ADAM23: variants seen among roughly 807,000 people sequenced by gnomAD.
The protein encoded by ADAM23 is disintegrin and metalloproteinase domain-containing protein 23.
ADAM23 carries 33 observed loss-of-function variants against 120.1 expected under a neutral mutation model. That is an observed-to-expected ratio of 0.27 (90% CI 0.21 to 0.37). The LOEUF (loss-of-function observed/expected upper bound fraction) is 0.37, where lower values mean the gene tolerates loss of function less well. ADAM23 is among the 10% of genes least tolerant of loss of function. ADAM23 has a pLI of 1.00. For missense variants in ADAM23, 862 were observed against 1,058.2 expected (o/e 0.81, Z 2.57); for synonymous variants, 367 against 375.2 (o/e 0.98, Z 0.25).
intron 2 of ADAM23, among the ~76,000 whole-genome samples, chr2:206,462,281 C>G (rs1010082827): frequency 1.3e-5 from 2 of 152,154 alleles, no homozygotes; most frequent in South Asian, 2.1e-4. Context: ...TCTAAGAATT[C>G]AGAGTTCATA....
chr2:206,508,967 G>T (rs1696564453), intron 3 of ADAM23, among the ~76,000 whole-genome samples: 1 of 152,186 alleles, frequency 6.6e-6, no homozygotes, highest in South Asian at 2.1e-4. Flanking sequence ...ATGGCAGCTT[G>T]TCATGATGAA....
intron 11 of ADAM23, 141 bp downstream of exon 11, chr2:206,560,259 G>T: frequency 7.9e-6 from 7 of 881,220 alleles, no homozygotes; most frequent in Non-Finnish European, 1.2e-5. Context: ...TAGATAAGAA[G>T]CATGGAGTTA....
intron 3 of ADAM23, among the ~76,000 whole-genome samples, chr2:206,505,227 A>G (rs1023893157): frequency 1.3e-5 from 2 of 152,254 alleles, no homozygotes; most frequent in Admixed American, 1.3e-4. Context: ...GCTCAAAGTT[A>G]ACAGGGCCTG....
intron 15 of ADAM23, among the ~76,000 whole-genome samples, chr2:206,568,833 A>T (rs1306100878): frequency 6.6e-6 from 1 of 152,256 alleles, no homozygotes; most frequent in African/African-American, 2.4e-5. Context: ...ATCAGTAACT[A>T]ATGTGGTAAC....
chr2:206,545,094 C>T (rs970707475), intron 6 of ADAM23, among the ~76,000 whole-genome samples: 1 of 152,130 alleles, frequency 6.6e-6, no homozygotes, highest in Non-Finnish European at 1.5e-5. Flanking sequence ...GTGAAAAGAA[C>T]TGTAGCGGGA....
chr2:206,496,524 C>T (rs1218122710), intron 3 of ADAM23, among the ~76,000 whole-genome samples: 1 of 151,686 alleles, frequency 6.6e-6, no homozygotes, highest in Non-Finnish European at 1.5e-5. Context: ...AAATTTATAG[C>T]ACTAAATGCC....
At chr2:206,503,889 G>A (rs187394807) in intron 3 of ADAM23, among the ~76,000 whole-genome samples, 76 of 152,240 alleles carry the variant, frequency 5.0e-4, no homozygotes, top group Non-Finnish European at 1.0e-3. Flanking sequence ...TAACACAGTT[G>A]TCTGTGCTGC....
chr2:206,592,681 C>T lies in ADAM23; in HGVS notation c.2023C>T (p.Gln675Ter). 6.2e-7 allele frequency: 1 copy of T among 1,614,020 alleles called. No homozygotes were observed. Among genetic ancestry groups the T allele is most frequent in the Non-Finnish European group, 8.5e-7 (1 of 1,179,960 alleles). ...TCGAGCTCCACGTATTGGTCAACTT[C>T]AGGGTGAGATCATTCCAACTTCCTT... ...LTRAPRIGQL[Q>*]GEIIPTSFYH... Residue 675 changes from glutamine (Q) to a stop codon, truncating the protein, a stop_gained, in exon 22 of 26, where the codon CAG becomes TAG. Coordinates refer to ENST00000264377, the MANE Select transcript of ADAM23 (RefSeq NM_003812.4). LOFTEE classifies it high-confidence loss of function.
chr2:206,503,454 T>A (rs1048373556), intron 3 of ADAM23, among the ~76,000 whole-genome samples: 7 of 152,114 alleles, frequency 4.6e-5, no homozygotes, highest in African/African-American at 1.7e-4. Context: ...TCAGTCAATG[T>A]TTGTATAATG....
intron 25 of ADAM23, among the ~76,000 whole-genome samples, chr2:206,612,455 A>AT (rs1413029609): frequency 6.6e-6 from 1 of 152,248 alleles, no homozygotes; most frequent in Non-Finnish European, 1.5e-5. Flanking sequence ...ATTGTTCTAA[A>AT]TGCTGCTATT....
intron 4 of ADAM23, among the ~76,000 whole-genome samples, chr2:206,535,140 C>T (rs914283900): frequency 6.6e-6 from 1 of 152,072 alleles, no homozygotes; most frequent in Admixed American, 6.5e-5. Flanking sequence ...CATTAGCAGG[C>T]CTATTAGATT....
intron 21 of ADAM23, among the ~76,000 whole-genome samples, chr2:206,589,928 T>A (rs1041736664): frequency 1.3e-5 from 2 of 152,198 alleles, no homozygotes; most frequent in Admixed American, 6.5e-5. Flanking sequence ...CGTGAAATCT[T>A]ACTGTGTTTT....
At position 206,592,798 on chromosome 2, in the gene ADAM23, A is replaced by G. The variant is rs1323433074; in HGVS notation, c.2078+62A>G. ...GAGAATTACAAATTTCACAAAATGAAATTTCAAAAAAATCAGAAATCAAAG... is the reference window on the plus strand; with the variant it reads ...GAGAATTACAAATTTCACAAAATGAGATTTCAAAAAAATCAGAAATCAAAG... On this transcript the variant is annotated intron_variant, in intron 22 of 25. Coordinates refer to ENST00000264377, the MANE Select transcript of ADAM23 (RefSeq NM_003812.4). 3.9e-6 allele frequency: 6 copies of G among 1,529,926 alleles called. No homozygotes were observed. The East Asian group carries it at 1.1e-4, about 29-fold the overall frequency. The allele number at this position is 1,529,926 out of a possible 1,614,324, so 94.8% of individuals were successfully genotyped here.
At chr2:206,529,359 T>C (rs991128271) in intron 3 of ADAM23, among the ~76,000 whole-genome samples, 22 of 152,182 alleles carry the variant, frequency 1.4e-4, no homozygotes, top group Admixed American at 4.6e-4. Context: ...TTGACTTCAA[T>C]GACTTTCTTA....
intron 3 of ADAM23, among the ~76,000 whole-genome samples, chr2:206,515,502 T>G (rs1346128370): frequency 6.6e-6 from 1 of 152,062 alleles, no homozygotes; most frequent in South Asian, 2.1e-4. Context: ...AAAAACAGTG[T>G]GGGGAAGGAT....
At chr2:206,447,034 C>T (rs934378606) in intron 2 of ADAM23, among the ~76,000 whole-genome samples, 4 of 152,300 alleles carry the variant, frequency 2.6e-5, no homozygotes, top group Admixed American at 2.6e-4. Flanking sequence ...TGCCTCAAAG[C>T]CTGTTTCAAA....
chr2:206,451,252 A>G (rs1270220051), intron 2 of ADAM23, among the ~76,000 whole-genome samples: 1 of 152,120 alleles, frequency 6.6e-6, no homozygotes, highest in East Asian at 1.9e-4. Context: ...AGTGTAGGAA[A>G]CTTCAAAGAC....
chr2:206,546,833 C>T (rs907715930), intron 6 of ADAM23, among the ~76,000 whole-genome samples: 1 of 152,200 alleles, frequency 6.6e-6, no homozygotes, highest in East Asian at 1.9e-4. Context: ...ATACTATGCA[C>T]TCAGTAATGG....
chr2:206,486,793 A>G (rs1001012010), intron 3 of ADAM23, among the ~76,000 whole-genome samples: 6 of 152,158 alleles, frequency 3.9e-5, no homozygotes, highest in Non-Finnish European at 8.8e-5. Flanking sequence ...TTTTAAAATT[A>G]CATTCACAAA....
Sources: allele counts gnomAD v4.1 joint callset (sites outside exome capture counted in the v4.1 genomes callset), GRCh38; gene constraint gnomAD v4.1.1; transcripts MANE v1.5; gene names NCBI Gene and HGNC (gene_info 2026-07-23, HGNC 2026-07-21).